VAPA: variants seen among roughly 807,000 people sequenced by gnomAD.
VAPA encodes the protein VAMP associated protein A, also known as vesicle-associated membrane protein-associated protein A.
VAPA carries 6 observed loss-of-function variants against 25.6 expected under a neutral mutation model. The ratio of observed to expected loss-of-function variants is 0.23; its 90% CI spans 0.13 to 0.46. The LOEUF (loss-of-function observed/expected upper bound fraction) is 0.46. Among genes scored for constraint, VAPA ranks in the 20% least tolerant of loss-of-function variants. The pLI is 0.99. For synonymous variants in VAPA, 112 were observed against 106.2 expected (o/e 1.05, Z -0.34); for missense variants, 244 against 302.1 (o/e 0.81, Z 1.43).
Position 9,917,159 on chromosome 18 carries a change from C to T in VAPA, c.79+2824C>T, listed in dbSNP as rs189028107. On this transcript the variant is annotated intron_variant, in intron 1 of 5. Transcript: ENST00000400000. ...TGCTTTACTTCAAATTCTGTTTAAA[C>T]CTTGGAAGTAATTTTACCTAGATTT... Among the ~76,000 whole-genome samples the T allele has an allele frequency of 2.6e-5, 4 of 152,146 alleles. No individual in the cohort carries two copies. The East Asian group carries it at 7.7e-4, about 29-fold the overall frequency.
chr18:9,915,629 A>C (rs1219946103), intron 1 of VAPA: 1 of 152,236 alleles, frequency 6.6e-6, no homozygotes, highest in Non-Finnish European at 1.5e-5. Context: ...GAAAAAATTA[A>C]ATCCTTTATT....
At position 9,914,188 on chromosome 18, in the gene VAPA, C is replaced by CCGT. The variant is rs2069088589; in HGVS notation, c.-64_-62dup. The stretch of plus-strand genomic sequence containing the variant: ...CTAGAGCTCGGCCGAGCCGTCGCCG[C>CCGT]CGTCGTCCCCCGCCCCCAGTCAGCA... On this transcript the variant is annotated 5_prime_UTR_variant, in exon 1 of 6. Coordinates refer to ENST00000400000, the MANE Select transcript of VAPA (RefSeq NM_194434.3). 6 of 1,424,054 alleles carry CCGT rather than the reference C, an allele frequency of 4.2e-6. No individual in the cohort carries two copies. Among genetic ancestry groups the CCGT allele is most frequent in the Non-Finnish European group, 5.7e-6 (6 of 1,050,526 alleles). The allele number at this position is 1,424,054 out of a possible 1,614,324, so 88.2% of individuals were successfully genotyped here.
intron 4 of VAPA, chr18:9,944,988 C>T: frequency 6.2e-7 from 1 of 1,614,180 alleles, no homozygotes; most frequent in Non-Finnish European, 8.5e-7. Context: ...AACACAGTTG[C>T]AACACCTGCC....
chr18:9,945,210 C>T, intron 4 of VAPA: 1 of 995,188 alleles, frequency 1.0e-6, no homozygotes, highest in African/African-American at 1.6e-5. Context: ...CTACAAAGCA[C>T]TTAAAAATCA....
chr18:9,919,984 G>A (rs1390231673), intron 1 of VAPA, among the ~76,000 whole-genome samples: 2 of 152,150 alleles, frequency 1.3e-5, no homozygotes, highest in African/African-American at 4.8e-5. Flanking sequence ...GTGAGACTTG[G>A]TGGTCTCTAT....
At chr18:9,942,123 A>G (rs2069372078) in intron 4 of VAPA, among the ~76,000 whole-genome samples, 1 of 152,150 alleles carries the variant, frequency 6.6e-6, no homozygotes, top group Admixed American at 6.5e-5. Context: ...TTTTTTATTC[A>G]GCTTTATTTA....
Position 9,945,114 on chromosome 18 carries a change from A to G in VAPA, c.418-5281A>G, listed in dbSNP as rs29131. The G allele has an allele frequency of 1.3e-5, 20 of 1,578,458 alleles. No homozygotes were observed. In the East Asian group the frequency reaches 4.3e-4, roughly 34 times the overall value. ...GTCTACTAGTGTCAATGGTTAAGTT[A>G]ATGTAGATACCTAGCAGATAAGTGG... On this transcript the variant is annotated intron_variant, in intron 4 of 5. Transcript: ENST00000400000.
intron 1 of VAPA, among the ~76,000 whole-genome samples, chr18:9,916,901 G>T (rs1599094208): frequency 6.6e-6 from 1 of 152,332 alleles, no homozygotes; most frequent in East Asian, 1.9e-4. Flanking sequence ...TAATCATTCT[G>T]AGATTGGATG....
rs2069586790 is a variant in VAPA, at chr18:9,959,742, AAAAAAT to A, written c.*5532_*5537del. The A allele has an allele frequency of 6.6e-6, 1 of 150,760 alleles. No individual in the cohort carries two copies. 9.3% of individuals were successfully genotyped at this position (150,760 alleles called of 1,614,324 possible). A position where few individuals can be genotyped will look rare whatever the true frequency, so the allele number is the denominator to read the frequency against. On this transcript the variant is annotated 3_prime_UTR_variant, in exon 6 of 6. Transcript: ENST00000400000. ...GTTCCAAAAAAAAAAAAAAAAAAAAAAAAAATGTGGAGGGTTGAAATGGTAAGGAAT... is the reference window on the plus strand; with the variant it reads ...GTTCCAAAAAAAAAAAAAAAAAAAAAGTGGAGGGTTGAAATGGTAAGGAAT...
At chr18:9,950,048 A>C (rs1356416204) in intron 4 of VAPA, 1 of 195,230 alleles carries the variant, frequency 5.1e-6, no homozygotes, top group Non-Finnish European at 1.0e-5. Flanking sequence ...GACGTCATTC[A>C]GCATACTTTC....
chr18:9,933,712 A>AT (rs2069279748), intron 2 of VAPA, among the ~76,000 whole-genome samples: 1 of 151,990 alleles, frequency 6.6e-6, no homozygotes, highest in Admixed American at 6.6e-5. Flanking sequence ...TCATTTTTGT[A>AT]TTTTTAGTAG....
intron 1 of VAPA, among the ~76,000 whole-genome samples, chr18:9,927,997 G>A (rs987046526): frequency 6.6e-6 from 1 of 151,994 alleles, no homozygotes; most frequent in Non-Finnish European, 1.5e-5. Context: ...TGTAACGTAT[G>A]CAGTTTTCTT....
At chr18:9,942,957 C>A (rs1394701292) in intron 4 of VAPA, among the ~76,000 whole-genome samples, 1 of 152,094 alleles carries the variant, frequency 6.6e-6, no homozygotes, top group Non-Finnish European at 1.5e-5. Context: ...TATGCGTATA[C>A]CCCACTTGTG....
intron 1 of VAPA, among the ~76,000 whole-genome samples, chr18:9,927,474 CTTT>C (rs74852348): frequency 1.5e-5 from 2 of 135,670 alleles, no homozygotes; most frequent in African/African-American, 2.7e-5. Context: ...TACAGTGGTT[CTTT>C]TTTTTTTTTT....
chr18:9,938,277 C>T (rs2069331495), intron 4 of VAPA, among the ~76,000 whole-genome samples: 1 of 152,178 alleles, frequency 6.6e-6, no homozygotes, highest in Non-Finnish European at 1.5e-5. Flanking sequence ...TATCTTCTAT[C>T]TGGGCTTCTA....
At chr18:9,935,213 ATAAAT>A (rs1361196811) in intron 2 of VAPA, among the ~76,000 whole-genome samples, 1 of 152,176 alleles carries the variant, frequency 6.6e-6, no homozygotes, top group African/African-American at 2.4e-5. Flanking sequence ...GAAGATTTAA[ATAAAT>A]TCATAAACTC....
At chr18:9,917,482 A>G (rs1428551678) in intron 1 of VAPA, among the ~76,000 whole-genome samples, 1 of 151,972 alleles carries the variant, frequency 6.6e-6, no homozygotes, top group Non-Finnish European at 1.5e-5. Flanking sequence ...TAGAGACGGG[A>G]TTTTGCCAGG....
At chr18:9,937,557 T>C (rs1010301744) in intron 4 of VAPA, among the ~76,000 whole-genome samples, 3 of 152,196 alleles carry the variant, frequency 2.0e-5, no homozygotes, top group African/African-American at 7.2e-5. Flanking sequence ...TTATGTTGCT[T>C]ACTCATTAGT....
Position 9,954,187 on chromosome 18 carries a change from C to T in VAPA, c.726C>T (p.Phe242=), listed in dbSNP as rs991418256. ...TAATTGCAGCCATTTTCATTGGATT[C>T]TTTCTAGGGAAATTCATCTTGTAGA... is the stretch of plus-strand genomic sequence containing the variant. ...LVVIAAIFIG[F]FLGKFIL The change falls in exon 6 of 6, where the codon TTC becomes TTT. Residue 242 remains phenylalanine (F), a synonymous_variant. Coordinates refer to ENST00000400000, the MANE Select transcript of VAPA (RefSeq NM_194434.3). 6.2e-7 allele frequency: 1 copy of T among 1,612,182 alleles called. No homozygotes were observed. The highest frequency in any genetic ancestry group is 1.1e-5 in the South Asian group (1 of 90,976).
Sources: allele counts gnomAD v4.1 joint callset (sites outside exome capture counted in the v4.1 genomes callset), GRCh38; gene constraint gnomAD v4.1.1; transcripts MANE v1.5; gene names NCBI Gene and HGNC (gene_info 2026-07-23, HGNC 2026-07-21).